ADAM17: variants seen among roughly 807,000 people sequenced by gnomAD.
ADAM17 encodes the protein disintegrin and metalloproteinase domain-containing protein 17.
A neutral mutation model predicts 96.7 loss-of-function variants in ADAM17; 39 were observed. The observed-to-expected ratio is 0.40, with a 90% CI of 0.31 to 0.53. The LOEUF is 0.53. ADAM17 is among the 20% of genes least tolerant of loss of function. The pLI is 0.44. For synonymous variants in ADAM17, 344 were observed against 359.2 expected (o/e 0.96, Z 0.48); for missense variants, 777 against 1,013.2 (o/e 0.77, Z 3.17).
At chr2:9,517,117 ACTGAGGGTAC>A (rs1558511379) in intron 10 of ADAM17, among the ~76,000 whole-genome samples, 1 of 152,198 alleles carries the variant, frequency 6.6e-6, no homozygotes, top group African/African-American at 2.4e-5. Context: ...TTCTTGAGCC[ACTGAGGGTAC>A]CTCTGAGTTG....
chr2:9,549,526 TTTTTG>T (rs1446185904), intron 1 of ADAM17, among the ~76,000 whole-genome samples: 4 of 151,930 alleles, frequency 2.6e-5, no homozygotes, highest in South Asian at 4.2e-4. Context: ...AACGTGTGGG[TTTTTG>T]TTTTGTTTTG....
chr2:9,529,945 C>T (rs979929192), intron 4 of ADAM17, among the ~76,000 whole-genome samples: 2 of 151,432 alleles, frequency 1.3e-5, no homozygotes, highest in African/African-American at 4.9e-5. Context: ...GCCTGGGTGA[C>T]AGAGTGAGAC....
At position 9,555,517 on chromosome 2, in the gene ADAM17, T is replaced by C. The variant is rs775793715; in HGVS notation, c.89A>G (p.Gln30Arg). ...PPDDPGFGPH[Q>R]RLEKLDSLLS... The stretch of plus-strand genomic sequence containing the variant: ...CTCCCCTGGGTCTTTACCGAGTCTC[T>C]GGTGGGGGCCGAAGCCCGGGTCATC... Residue 30 changes from glutamine (Q) to arginine (R), a missense_variant, in exon 1 of 19, where the codon CAG becomes CGG. This residue lies in a region of ADAM17 where 134 missense variants were observed against 129.1 expected (regional missense o/e 1.04). Transcript: ENST00000310823. The C allele has an allele frequency of 7.8e-5, 124 of 1,596,474 alleles. No individual in the cohort carries two copies. Among genetic ancestry groups the C allele is most frequent in the Non-Finnish European group, 9.5e-5 (111 of 1,171,490 alleles).
Position 9,516,496 on chromosome 2 carries a change from A to G in ADAM17, c.1191+1405T>C, listed in dbSNP as rs1229298410. On this transcript the variant is annotated intron_variant, in intron 10 of 18. Coordinates refer to ENST00000310823, the MANE Select transcript of ADAM17 (RefSeq NM_003183.6). ...TCATAGTCAAAAAATCAGTATACCA[A>G]CCAGCCCTTTAGGAAGCCAAGGTGA... Among the ~76,000 whole-genome samples, 4 of 152,232 alleles carry G rather than the reference A, an allele frequency of 2.6e-5. No homozygotes were observed. In the East Asian group the frequency reaches 7.7e-4, roughly 29 times the overall value.
At chr2:9,527,585 T>C in intron 5 of ADAM17, 4 of 362,954 alleles carry the variant, frequency 1.1e-5, no homozygotes. Context: ...ATCTCTGTTG[T>C]TCCCATTATT....
intron 1 of ADAM17, among the ~76,000 whole-genome samples, chr2:9,545,223 T>C (rs1239786271): frequency 3.3e-5 from 5 of 152,072 alleles, no homozygotes; most frequent in African/African-American, 1.2e-4. Flanking sequence ...TGGGATCCAA[T>C]AGTCTGTGTT....
intron 18 of ADAM17, among the ~76,000 whole-genome samples, 154 bp from the exon 19 acceptor site, chr2:9,490,672 T>TA (rs1391694104): frequency 6.6e-6 from 1 of 152,132 alleles, no homozygotes; most frequent in Non-Finnish European, 1.5e-5. Flanking sequence ...CCTAAGTGAC[T>TA]AAAAAATACT....
rs1485818368 is a variant in ADAM17, at chr2:9,488,618, T to G, written c.*1559A>C. The stretch of plus-strand genomic sequence containing the variant: ...GTCACAATTTTATAAAAATGGTTTT[T>G]CTTACATTCTTTTGAGAACTGTTTC... On this transcript the variant is annotated 3_prime_UTR_variant, in exon 19 of 19. Coordinates refer to ENST00000310823, the MANE Select transcript of ADAM17 (RefSeq NM_003183.6). 4.3e-6 allele frequency: 1 copy of G among 231,678 alleles called. No homozygotes were observed. Among genetic ancestry groups the G allele is most frequent in the African/African-American group, 2.3e-5 (1 of 44,264 alleles). 14.4% of individuals were successfully genotyped at this position (231,678 alleles called of 1,614,324 possible).
intron 7 of ADAM17, chr2:9,522,364 G>T: frequency 1.8e-6 from 1 of 549,018 alleles, no homozygotes; most frequent in South Asian, 2.5e-5. Flanking sequence ...GAACTGGTTT[G>T]ACAATAAACA....
At chr2:9,516,666 C>A in intron 10 of ADAM17, among the ~76,000 whole-genome samples, 1 of 152,130 alleles carries the variant, frequency 6.6e-6, no homozygotes, top group South Asian at 2.1e-4. Context: ...AGCAGGAGAA[C>A]TGCTTGAACC....
chr2:9,501,144 T>C (rs1380980525), intron 13 of ADAM17, among the ~76,000 whole-genome samples: 1 of 151,910 alleles, frequency 6.6e-6, no homozygotes, highest in Non-Finnish European at 1.5e-5. Flanking sequence ...TTTTAAAAAA[T>C]GAACCAAATA....
At chr2:9,543,962 C>T (rs1221301405) in intron 1 of ADAM17, among the ~76,000 whole-genome samples, 2 of 152,150 alleles carry the variant, frequency 1.3e-5, no homozygotes, top group Non-Finnish European at 2.9e-5. Context: ...ATCCCAATCA[C>T]CCTGATTTGA....
Position 9,490,114 on chromosome 2 carries a change from G to T in ADAM17, c.*63C>A. On this transcript the variant is annotated 3_prime_UTR_variant, in exon 19 of 19. Coordinates refer to ENST00000310823, the MANE Select transcript of ADAM17 (RefSeq NM_003183.6). Reference sequence around the variant, plus strand: ...TCTTCACAAAATACAAGCTGTGATTGATTTGTAGGTCAAATCTATAAAAAT... The same window carrying T: ...TCTTCACAAAATACAAGCTGTGATTTATTTGTAGGTCAAATCTATAAAAAT... 2.9e-6 allele frequency: 4 copies of T among 1,371,088 alleles called. No individual in the cohort carries two copies. In the East Asian group the frequency reaches 7.0e-5, roughly 24 times the overall value. The allele number at this position is 1,371,088 out of a possible 1,614,324, so 84.9% of individuals were successfully genotyped here. A position where few individuals can be genotyped will look rare whatever the true frequency, so the allele number is the denominator to read the frequency against.
rs55909096 is a variant in ADAM17 at position 9,520,964 on chromosome 2, C to CAAAAAAAA, written c.957+231_957+238dup. 4.8e-3 allele frequency among the ~76,000 whole-genome samples: 126 copies of CAAAAAAAA among 26,276 alleles called. 3 individuals are homozygous for CAAAAAAAA. Among genetic ancestry groups the CAAAAAAAA allele is most frequent in the Non-Finnish European group, 5.5e-3 (63 of 11,370 alleles). The allele number at this position is 26,276 out of a possible 152,430, so 17.2% of individuals were successfully genotyped here. On this transcript the variant is annotated intron_variant, in intron 8 of 18. Coordinates refer to ENST00000310823, the MANE Select transcript of ADAM17 (RefSeq NM_003183.6). ...GGGCAACAAGAGTGAAACTCTGTCT[C>CAAAAAAAA]AAAAAAAAAAAAAAAAAAAAAAGGA...
intron 4 of ADAM17, among the ~76,000 whole-genome samples, chr2:9,534,561 A>C (rs1664881893): frequency 6.6e-6 from 1 of 151,948 alleles, no homozygotes; most frequent in African/African-American, 2.4e-5. Context: ...AACAAACAAA[A>C]CCCTAATTTA....
intron 10 of ADAM17, among the ~76,000 whole-genome samples, chr2:9,513,061 C>A (rs1663830419): frequency 1.3e-5 from 2 of 152,024 alleles, no homozygotes; most frequent in East Asian, 3.9e-4. Context: ...GTGGCGCAAT[C>A]TCAGCTCACT....
chr2:9,503,604 G>A (rs1229163172), intron 12 of ADAM17, among the ~76,000 whole-genome samples: 1 of 152,162 alleles, frequency 6.6e-6, no homozygotes, highest in African/African-American at 2.4e-5. Flanking sequence ...ACTTTGGGAG[G>A]CTGAGGCAGG....
At chr2:9,494,861 G>T (rs1662447856) in intron 14 of ADAM17, 94 bp from the exon 15 acceptor site, 1 of 1,469,316 alleles carries the variant, frequency 6.8e-7, no homozygotes, top group Non-Finnish European at 9.2e-7. Flanking sequence ...TCCCAAAGAG[G>T]TAAGAAATCA....
intron 6 of ADAM17, among the ~76,000 whole-genome samples, chr2:9,524,525 G>A (rs1026220790): frequency 2.6e-5 from 4 of 151,846 alleles, no homozygotes; most frequent in Non-Finnish European, 5.9e-5. Flanking sequence ...GAGGGAAGAA[G>A]GTCAGTGCTT....
Sources: gnomAD v4.1 joint callset for allele counts (sites outside exome capture counted in the v4.1 genomes callset) on GRCh38, gnomAD v4.1.1 for gene constraint, gnomAD v4.1.1 regional missense constraint, MANE v1.5 for transcripts, NCBI Gene and HGNC (gene_info 2026-07-23, HGNC 2026-07-21) for gene names.